SSH1: variants seen among roughly 807,000 people sequenced by gnomAD.
SSH1 encodes protein phosphatase Slingshot homolog 1.
A neutral mutation model predicts 79.7 loss-of-function variants in SSH1; 43 were observed. The ratio of observed to expected loss-of-function variants is 0.54; its 90% CI spans 0.42 to 0.70. The LOEUF (loss-of-function observed/expected upper bound fraction) is 0.70. Ranked by LOEUF, SSH1 falls within the 30% of genes least tolerant of loss-of-function variation. The probability of loss-of-function intolerance (pLI) is 0.00; values close to 1 mark genes in which losing one functional copy is unlikely to be tolerated. For missense variants in SSH1, 1,206 were observed against 1,358.8 expected (o/e 0.89, Z 1.77); for synonymous variants, 599 against 538.3 (o/e 1.11, Z -1.56).
chr12:108,816,776 G>A (rs1025754217), intron 5 of SSH1, among the ~76,000 whole-genome samples: 3 of 151,884 alleles, frequency 2.0e-5, no homozygotes, highest in East Asian at 1.9e-4. Flanking sequence ...AGCAGCTGGT[G>A]TAAAACCTCT....
chr12:108,784,678 C>T lies in SSH1; in HGVS notation c.*3310G>A, dbSNP rs1051425085. 1 of 152,108 alleles carries T rather than the reference C, an allele frequency of 6.6e-6. No homozygotes were observed. The highest frequency in any genetic ancestry group is 6.5e-5 in the Admixed American group (1 of 15,268). The allele number at this position is 152,108 out of a possible 1,614,324, so 9.4% of individuals were successfully genotyped here. On this transcript the variant is annotated 3_prime_UTR_variant, in exon 15 of 15. Transcript: ENST00000326495. The stretch of plus-strand genomic sequence containing the variant: ...GTTCTCCTCTTCCCGTGACCACTAT[C>T]CCCCTTATACTTAGCAAGACTTAAA...
At chr12:108,794,018 C>A (rs535425460) in intron 13 of SSH1, among the ~76,000 whole-genome samples, 1 of 152,350 alleles carries the variant, frequency 6.6e-6, no homozygotes, top group Admixed American at 6.5e-5. Context: ...TCCTCCTCCT[C>A]CTCTGGGCCT....
intron 12 of SSH1, among the ~76,000 whole-genome samples, chr12:108,799,954 C>T (rs186664698): frequency 1.7e-3 from 261 of 152,334 alleles, no homozygotes; most frequent in African/African-American, 6.2e-3. Context: ...AGGTGGGAGC[C>T]GGCTCTGGTT....
intron 2 of SSH1, chr12:108,826,263 GGCCAGCT>G: frequency 2.4e-6 from 1 of 419,056 alleles, no homozygotes; most frequent in Non-Finnish European, 4.7e-6. Context: ...TCACTTACAA[GGCCAGCT>G]GTTCCTCCTC....
chr12:108,853,610 A>C (rs1309947781), intron 1 of SSH1, among the ~76,000 whole-genome samples: 1 of 152,066 alleles, frequency 6.6e-6, no homozygotes, highest in East Asian at 1.9e-4. Flanking sequence ...ACCCACCAGG[A>C]GGTGGCAACT....
intron 2 of SSH1, chr12:108,826,477 C>T: frequency 5.3e-6 from 1 of 187,498 alleles, no homozygotes; most frequent in Non-Finnish European, 1.1e-5. Context: ...TGAGATCACC[C>T]TGCGTCCTGC....
At chr12:108,811,780 T>G in intron 5 of SSH1, 1 of 250,318 alleles carries the variant, frequency 4.0e-6, no homozygotes, top group Non-Finnish European at 8.1e-6. Context: ...ACAATCTCGC[T>G]TAATCTGGTT....
intron 4 of SSH1, chr12:108,817,412 T>C: frequency 2.3e-6 from 1 of 428,732 alleles, no homozygotes; most frequent in Non-Finnish European, 4.4e-6. Flanking sequence ...CATCTCTTAC[T>C]AAAAATACAA....
chr12:108,853,858 A>G (rs1048726611), intron 1 of SSH1, among the ~76,000 whole-genome samples: 23 of 150,822 alleles, frequency 1.5e-4, no homozygotes, highest in African/African-American at 5.1e-4. Flanking sequence ...CAGGAGGCGG[A>G]GGTTGCAGTG....
At chr12:108,850,881 A>G (rs2039024430) in intron 2 of SSH1, among the ~76,000 whole-genome samples, 3 of 145,322 alleles carry the variant, frequency 2.1e-5, no homozygotes, top group Admixed American at 6.9e-5. Context: ...ATTTGGGGGG[A>G]AGGGAGCTGG....
rs2036146873 is a variant in SSH1 at position 108,781,544 on chromosome 12, CAG to C, written c.*6442_*6443del. 2.0e-5 allele frequency: 3 copies of C among 152,210 alleles called. No individual in the cohort carries two copies. Among genetic ancestry groups the C allele is most frequent in the Admixed American group, 6.5e-5 (1 of 15,276 alleles). 9.4% of individuals were successfully genotyped at this position (152,210 alleles called of 1,614,324 possible). A position where few individuals can be genotyped will look rare whatever the true frequency, so the allele number is the denominator to read the frequency against. ...CAGTCTTTTGAGTCCAGTTGAGAGA[CAG>C]AGCAAGTCCAGATGAACTGAACAAA... On this transcript the variant is annotated 3_prime_UTR_variant, in exon 15 of 15. Transcript: ENST00000326495.
At chr12:108,819,065 C>G (rs1384036019) in intron 3 of SSH1, among the ~76,000 whole-genome samples, 1 of 152,154 alleles carries the variant, frequency 6.6e-6, no homozygotes, top group Non-Finnish European at 1.5e-5. Context: ...CCACTTCAAA[C>G]TTCTGCATTT....
intron 14 of SSH1, among the ~76,000 whole-genome samples, chr12:108,790,036 C>T (rs1288751171): frequency 6.6e-6 from 1 of 152,182 alleles, no homozygotes; most frequent in African/African-American, 2.4e-5. Context: ...GCCCCATCCT[C>T]TGAGCCACTG....
At chr12:108,833,027 A>G (rs1401099241) in intron 2 of SSH1, among the ~76,000 whole-genome samples, 1 of 152,140 alleles carries the variant, frequency 6.6e-6, no homozygotes, top group Non-Finnish European at 1.5e-5. Flanking sequence ...CTTCTCTCAG[A>G]GAGAAGGAAT....
At position 108,817,179 on chromosome 12, in the gene SSH1, C is replaced by T. The variant is rs570106605; in HGVS notation, c.280-20G>A. On this transcript the variant is annotated intron_variant, in intron 4 of 14. Transcript: ENST00000326495. Reference sequence around the variant, plus strand: ...CACTGCCTGGAACAGGGCAGACATGCTCTCACTAACCTGCCTTTGGAGGTG... The same window carrying T: ...CACTGCCTGGAACAGGGCAGACATGTTCTCACTAACCTGCCTTTGGAGGTG... 1.9e-6 allele frequency: 3 copies of T among 1,612,966 alleles called. No individual in the cohort carries two copies. The highest frequency in any genetic ancestry group is 1.7e-5 in the Admixed American group (1 of 60,028).
At chr12:108,798,769 A>G (rs570614687) in intron 13 of SSH1, among the ~76,000 whole-genome samples, 2 of 152,368 alleles carry the variant, frequency 1.3e-5, no homozygotes, top group South Asian at 4.1e-4. Flanking sequence ...AACCAGCTTT[A>G]TGTGTGTGCC....
intron 14 of SSH1, among the ~76,000 whole-genome samples, chr12:108,790,630 G>A (rs2036463681): frequency 6.6e-6 from 1 of 152,234 alleles, no homozygotes; most frequent in Non-Finnish European, 1.5e-5. Context: ...TTTGTGGTAG[G>A]CAGGGAAGTG....
rs1432022238 is a variant in SSH1 at position 108,823,280 on chromosome 12, A to G, written c.192T>C (p.Leu64=). The part of the protein sequence containing the change: ...QGSSPQGQRS[L]QHPHKHAGDL... ...CACCTGCATGCTTGTGGGGGTGCTG[A>G]AGACTCCGCTGGCCTTGAGGGCTGC... is the stretch of plus-strand genomic sequence containing the variant. The change falls in exon 3 of 15, where the codon CTT becomes CTC. Residue 64 remains leucine, a synonymous_variant. Coordinates refer to ENST00000326495, the MANE Select transcript of SSH1 (RefSeq NM_018984.4). 6.3e-7 allele frequency: 1 copy of G among 1,588,626 alleles called. No homozygotes were observed. Among genetic ancestry groups the G allele is most frequent in the Admixed American group, 1.8e-5 (1 of 56,078 alleles).
At chr12:108,846,267 C>T (rs942117004) in intron 2 of SSH1, among the ~76,000 whole-genome samples, 3 of 152,232 alleles carry the variant, frequency 2.0e-5, no homozygotes, top group East Asian at 1.9e-4. Context: ...CTAATGACCA[C>T]GTTCCCGCAA....
Sources: allele counts gnomAD v4.1 joint callset (sites outside exome capture counted in the v4.1 genomes callset), GRCh38; gene constraint gnomAD v4.1.1; transcripts MANE v1.5; gene names NCBI Gene and HGNC (gene_info 2026-07-23, HGNC 2026-07-21).